TMEM47: variants seen among roughly 807,000 people sequenced by gnomAD.
TMEM47 encodes the protein transmembrane protein 47.
TMEM47 carries 3 observed loss-of-function variants against 12.4 expected under a neutral mutation model. The ratio of observed to expected loss-of-function variants is 0.24; its 90% confidence interval spans 0.11 to 0.63. TMEM47 has a LOEUF of 0.63. Among genes scored for constraint, TMEM47 ranks in the 20% least tolerant of loss-of-function variants. The pLI is 0.86. For missense variants in TMEM47, 89 were observed against 143.8 expected (o/e 0.62, Z 1.95); for synonymous variants, 62 against 63.3 (o/e 0.98, Z 0.10).
In TMEM47 at chrX:34,629,100, TAA is replaced by T. The variant is rs764338929; in HGVS notation, c.*1211_*1212del. On this transcript the variant is annotated 3_prime_UTR_variant, in exon 3 of 3. Transcript: ENST00000275954. ...TATAAATCTATCGCTATTCCTTTCT[TAA>T]AAAAATGAAGACATTTAAAATACTT... The T allele has an allele frequency of 3.1e-4, 35 of 111,637 alleles. No homozygotes were observed. The highest frequency in any genetic ancestry group is 1.0e-3 in the African/African-American group (31 of 30,721). 9.2% of individuals were successfully genotyped at this position (111,637 alleles called of 1,213,427 possible).
At chrX:34,649,204 T>C (rs1921969964) in intron 1 of TMEM47, among the ~76,000 whole-genome samples, 1 of 111,858 alleles carries the variant, frequency 8.9e-6, no homozygotes, top group Non-Finnish European at 1.9e-5. Context: ...TTACTAGGTA[T>C]ATACCAAAAG....
At chrX:34,651,486 A>C (rs368258562) in intron 1 of TMEM47, among the ~76,000 whole-genome samples, 1 of 112,050 alleles carries the variant, frequency 8.9e-6, no homozygotes, top group East Asian at 2.8e-4. Context: ...GTTATCTTCC[A>C]CAAGGGCTCC....
intron 2 of TMEM47, among the ~76,000 whole-genome samples, chrX:34,636,348 T>C (rs1187863040): frequency 1.8e-5 from 2 of 111,724 alleles, no homozygotes. Context: ...TATAGGAGGC[T>C]TTCTGCAGAT....
chrX:34,644,962 T>C (rs1921884797), intron 1 of TMEM47, among the ~76,000 whole-genome samples: 1 of 111,854 alleles, frequency 8.9e-6, no homozygotes, highest in African/African-American at 3.2e-5. Context: ...CCAGACAACT[T>C]AGAACAATGA....
chrX:34,652,359 A>G (rs1367084532), intron 1 of TMEM47, among the ~76,000 whole-genome samples: 2 of 112,380 alleles, frequency 1.8e-5, no homozygotes, highest in African/African-American at 3.2e-5. Context: ...AGCACTGACT[A>G]TATCTATGGT....
rs1284820944 is a variant in TMEM47 at position 34,629,018 on chromosome X, A to G, written c.*1295T>C. The G allele has an allele frequency of 8.9e-6, 1 of 111,823 alleles. No homozygotes were observed. The highest frequency in any genetic ancestry group is 3.3e-5 in the African/African-American group (1 of 30,734). 9.2% of individuals were successfully genotyped at this position (111,823 alleles called of 1,213,427 possible). A position where few individuals can be genotyped will look rare whatever the true frequency, so the allele number is the denominator to read the frequency against. ...CGGTTAGCCCATCAGTTAACTTCAG[A>G]GGACCAGGTGATAACCAGATGAATT... On this transcript the variant is annotated 3_prime_UTR_variant, in exon 3 of 3. Coordinates refer to ENST00000275954, the MANE Select transcript of TMEM47 (RefSeq NM_031442.4).
chrX:34,635,348 C>T (rs4462052), intron 2 of TMEM47, among the ~76,000 whole-genome samples: 53,028 of 110,689 alleles, frequency 0.48, 11,564 homozygotes, highest in African/African-American at 0.85. Flanking sequence ...TTCCCATTCC[C>T]GTCTCATTTT....
rs764338929 is a variant in TMEM47 at position 34,629,100 on chromosome X, T to TA, written c.*1212dup. ...TATAAATCTATCGCTATTCCTTTCT[T>TA]AAAAAAATGAAGACATTTAAAATAC... On this transcript the variant is annotated 3_prime_UTR_variant, in exon 3 of 3. Transcript: ENST00000275954. The TA allele has an allele frequency of 3.6e-5, 4 of 111,681 alleles. No individual in the cohort carries two copies. The highest frequency in any genetic ancestry group is 9.6e-5 in the Admixed American group (1 of 10,420). The allele number at this position is 111,681 out of a possible 1,213,427, so 9.2% of individuals were successfully genotyped here. A position where few individuals can be genotyped will look rare whatever the true frequency, so the allele number is the denominator to read the frequency against.
At chrX:34,650,946 T>C (rs67083537) in intron 1 of TMEM47, among the ~76,000 whole-genome samples, 8,652 of 110,541 alleles carry the variant, frequency 0.078, 762 homozygotes, top group African/African-American at 0.27. Flanking sequence ...CAATTCAAAG[T>C]TCTTAAGTAC....
At position 34,627,695 on chromosome X, in the gene TMEM47, A is replaced by G. The variant is rs1228393844; in HGVS notation, c.*2618T>C. ...TGAGTATATATATGTGTGTATATCT[A>G]TATCTATAGATGTAGATCTATATCC... On this transcript the variant is annotated 3_prime_UTR_variant, in exon 3 of 3. Coordinates refer to ENST00000275954, the MANE Select transcript of TMEM47 (RefSeq NM_031442.4). The G allele has an allele frequency of 8.9e-6, 1 of 112,142 alleles. No individual in the cohort carries two copies. Among genetic ancestry groups the G allele is most frequent in the African/African-American group, 3.2e-5 (1 of 30,838 alleles). 9.2% of individuals were successfully genotyped at this position (112,142 alleles called of 1,213,427 possible).
chrX:34,643,171 C>G (rs1921847671), intron 1 of TMEM47, among the ~76,000 whole-genome samples: 1 of 111,221 alleles, frequency 9.0e-6, no homozygotes, highest in Admixed American at 9.6e-5. Flanking sequence ...TTCCCTCTCT[C>G]TTACTGAACA....
intron 1 of TMEM47, among the ~76,000 whole-genome samples, chrX:34,650,146 T>C (rs778569379): frequency 4.4e-5 from 5 of 112,502 alleles, no homozygotes; most frequent in African/African-American, 1.6e-4. Flanking sequence ...AATGTACTTA[T>C]CAACACATAT....
At chrX:34,650,309 T>C (rs1921993571) in intron 1 of TMEM47, among the ~76,000 whole-genome samples, 1 of 111,769 alleles carries the variant, frequency 8.9e-6, no homozygotes, top group Non-Finnish European at 1.9e-5. Context: ...AAACACCAAG[T>C]GACAGTTATC....
intron 1 of TMEM47, 123 bp from the exon 2 acceptor site, chrX:34,639,510 T>C: frequency 2.8e-6 from 2 of 708,634 alleles, no homozygotes; most frequent in Non-Finnish European, 4.1e-6. Context: ...CTAAGCATCC[T>C]TTGGGGTTTG....
chrX:34,648,174 C>G lies in TMEM47; in HGVS notation c.226+8630G>C, dbSNP rs1349079904. Among the ~76,000 whole-genome samples the G allele has an allele frequency of 1.2e-4, 13 of 111,770 alleles. No individual in the cohort carries two copies. The Admixed American group carries it at 1.2e-3, about 11-fold the overall frequency. On this transcript the variant is annotated intron_variant, in intron 1 of 2. Coordinates refer to ENST00000275954, the MANE Select transcript of TMEM47 (RefSeq NM_031442.4). ...TTCCTATCTGGCATTCTTCACAGAA[C>G]TAGAAAACCTATTTTCAAATTCATA...
intron 2 of TMEM47, among the ~76,000 whole-genome samples, chrX:34,633,263 G>C (rs964689140): frequency 1.2e-4 from 13 of 112,079 alleles, no homozygotes; most frequent in African/African-American, 4.2e-4. Context: ...ACAGAACACA[G>C]GGATGAGGGC....
chrX:34,637,303 C>T (rs1921734366), intron 2 of TMEM47, among the ~76,000 whole-genome samples: 1 of 109,491 alleles, frequency 9.1e-6, no homozygotes. Context: ...AGGTAATAAG[C>T]CCGCCCTAAA....
At position 34,628,264 on chromosome X, in the gene TMEM47, C is replaced by G. The variant is rs1255586955; in HGVS notation, c.*2049G>C. ...CTATCCAAATATCATATTTCTCATG[C>G]TGCTCTGACAATATGCAATTAACTG... On this transcript the variant is annotated 3_prime_UTR_variant, in exon 3 of 3. Transcript: ENST00000275954. 8.9e-6 allele frequency: 1 copy of G among 111,856 alleles called. No individual in the cohort carries two copies. Among genetic ancestry groups the G allele is most frequent in the Non-Finnish European group, 1.9e-5 (1 of 53,017 alleles). 9.2% of individuals were successfully genotyped at this position (111,856 alleles called of 1,213,427 possible). A position where few individuals can be genotyped will look rare whatever the true frequency, so the allele number is the denominator to read the frequency against.
intron 1 of TMEM47, among the ~76,000 whole-genome samples, chrX:34,656,227 C>T (rs1281952092): frequency 1.8e-5 from 2 of 111,812 alleles, no homozygotes; most frequent in Non-Finnish European, 3.8e-5. Flanking sequence ...GGAAAACAAG[C>T]CTGTCCCTCT....
Sources: gnomAD v4.1 joint callset for allele counts (sites outside exome capture counted in the v4.1 genomes callset) on GRCh38, gnomAD v4.1.1 for gene constraint, MANE v1.5 for transcripts, NCBI Gene and HGNC (gene_info 2026-07-23, HGNC 2026-07-21) for gene names.